DGKB: variants seen among roughly 807,000 people sequenced by gnomAD.
DGKB encodes diacylglycerol kinase beta.
Under a neutral mutation model 114.3 loss-of-function variants are expected in DGKB, and 67 were observed. The ratio of observed to expected loss-of-function variants is 0.59; its 90% CI spans 0.48 to 0.72. DGKB has a LOEUF of 0.72. Ranked by LOEUF, DGKB falls within the 30% of genes least tolerant of loss-of-function variation. The probability of loss-of-function intolerance (pLI) is 0.00; values close to 1 mark genes in which losing one functional copy is unlikely to be tolerated. For synonymous variants in DGKB, 398 were observed against 323.1 expected (o/e 1.23, Z -2.49); for missense variants, 907 against 975.2 (o/e 0.93, Z 0.93).
chr7:14,617,663 G>A (rs1040241687), intron 15 of DGKB, among the ~76,000 whole-genome samples: 2 of 151,518 alleles, frequency 1.3e-5, no homozygotes, highest in African/African-American at 4.8e-5. Flanking sequence ...AAGCCTTCAA[G>A]CCTTTAAAAA....
chr7:14,867,561 T>C (rs1196091670), intron 1 of DGKB, among the ~76,000 whole-genome samples: 1 of 152,170 alleles, frequency 6.6e-6, no homozygotes. Context: ...TGTTTCCTGA[T>C]AGTGGAGCAC....
At chr7:14,651,170 C>G (rs1217962081) in intron 13 of DGKB, among the ~76,000 whole-genome samples, 1 of 152,052 alleles carries the variant, frequency 6.6e-6, no homozygotes, top group Non-Finnish European at 1.5e-5. Flanking sequence ...ATTCTGATAC[C>G]AAAGCCAGGC....
chr7:14,328,164 G>A (rs947058351), intron 23 of DGKB, among the ~76,000 whole-genome samples: 2 of 152,062 alleles, frequency 1.3e-5, no homozygotes, highest in East Asian at 3.9e-4. Context: ...CATAGACTTA[G>A]TAAGAAAATA....
chr7:14,675,522 G>T (rs1177341224), intron 12 of DGKB, among the ~76,000 whole-genome samples: 1 of 151,936 alleles, frequency 6.6e-6, no homozygotes, highest in African/African-American at 2.4e-5. Context: ...GTGTGAAGGG[G>T]CAACTCTGTA....
intron 1 of DGKB, among the ~76,000 whole-genome samples, chr7:14,873,594 A>G (rs1292982617): frequency 6.6e-6 from 1 of 151,990 alleles, no homozygotes; most frequent in Non-Finnish European, 1.5e-5. Context: ...ATAAAGATAA[A>G]TATTACCAAC....
At chr7:14,250,799 A>G (rs2128389670) in intron 23 of DGKB, among the ~76,000 whole-genome samples, 1 of 152,230 alleles carries the variant, frequency 6.6e-6, no homozygotes, top group African/African-American at 2.4e-5. Context: ...TGCTTTATAT[A>G]TTTAGGTGTG....
At chr7:14,832,579 G>A (rs769965303) in intron 2 of DGKB, among the ~76,000 whole-genome samples, 1 of 152,056 alleles carries the variant, frequency 6.6e-6, no homozygotes, top group Non-Finnish European at 1.5e-5. Flanking sequence ...GACTCGGGAT[G>A]CGTTTTGGTT....
In DGKB at chr7:14,713,510, C is replaced by G. The variant is rs1827698067; in HGVS notation, c.466+5032G>C. Among the ~76,000 whole-genome samples, 5 of 151,848 alleles carry G rather than the reference C, an allele frequency of 3.3e-5. No homozygotes were observed. In the South Asian group the frequency reaches 1.0e-3, roughly 31 times the overall value. On this transcript the variant is annotated intron_variant, in intron 6 of 25. Coordinates refer to ENST00000402815, the MANE Select transcript of DGKB (RefSeq NM_001350709.2). ...CGCCTTTTATTCATAAGAGAAACAA[C>G]AATAAGAACAACAAAAGACAGCTTT...
intron 21 of DGKB, among the ~76,000 whole-genome samples, chr7:14,471,241 A>G (rs201962898): frequency 0.03 from 3,906 of 128,154 alleles, 803 homozygotes; most frequent in East Asian, 0.16. Flanking sequence ...GAATATATGT[A>G]TACATACATA....
At chr7:14,770,222 C>T (rs1432673217) in intron 2 of DGKB, among the ~76,000 whole-genome samples, 2 of 152,002 alleles carry the variant, frequency 1.3e-5, no homozygotes, top group African/African-American at 4.8e-5. Context: ...TAAAGAGGAG[C>T]AGGAGTAGGC....
At chr7:14,540,833 G>T (rs986133129) in intron 20 of DGKB, among the ~76,000 whole-genome samples, 1 of 152,104 alleles carries the variant, frequency 6.6e-6, no homozygotes, top group African/African-American at 2.4e-5. Flanking sequence ...GGGAAATGTA[G>T]CCTGTTAGCT....
intron 13 of DGKB, among the ~76,000 whole-genome samples, chr7:14,647,067 T>A (rs899214022): frequency 2.6e-5 from 4 of 151,294 alleles, no homozygotes; most frequent in Non-Finnish European, 5.9e-5. Flanking sequence ...AAAACGACAA[T>A]TAGACTAAGA....
At chr7:14,492,881 T>C (rs961134656) in intron 20 of DGKB, among the ~76,000 whole-genome samples, 3 of 152,110 alleles carry the variant, frequency 2.0e-5, no homozygotes, top group Non-Finnish European at 4.4e-5. Flanking sequence ...AATATTTTAA[T>C]TATACTGTTT....
rs556928969 is a variant in DGKB at position 14,711,353 on chromosome 7, G to A, written c.466+7189C>T. On this transcript the variant is annotated intron_variant, in intron 6 of 25. Coordinates refer to ENST00000402815, the MANE Select transcript of DGKB (RefSeq NM_001350709.2). The stretch of plus-strand genomic sequence containing the variant: ...TATTACCAAGTCAAGGTCAAGGATA[G>A]AACTTTTCTTTCATCCAGAAGAAGA... Among the ~76,000 whole-genome samples, 609 of 152,096 alleles carry A rather than the reference G, an allele frequency of 4.0e-3. 3 individuals carry two copies. The highest frequency in any genetic ancestry group is 5.0e-3 in the Non-Finnish European group (343 of 67,944).
chr7:14,661,226 C>A (rs976290898), intron 13 of DGKB, among the ~76,000 whole-genome samples: 1 of 149,420 alleles, frequency 6.7e-6, no homozygotes, highest in Non-Finnish European at 1.5e-5. Flanking sequence ...AACTAAAGAG[C>A]TTCTGCACAG....
intron 2 of DGKB, among the ~76,000 whole-genome samples, chr7:14,767,647 T>C (rs991297004): frequency 6.6e-6 from 1 of 151,976 alleles, no homozygotes; most frequent in African/African-American, 2.4e-5. Context: ...CAATATAAGA[T>C]GTCTTAAAGT....
intron 21 of DGKB, among the ~76,000 whole-genome samples, chr7:14,456,112 C>G (rs1177891357): frequency 6.6e-6 from 1 of 151,894 alleles, no homozygotes; most frequent in Non-Finnish European, 1.5e-5. Flanking sequence ...GTTCCATGCA[C>G]AATATTATTA....
At chr7:14,595,390 T>G (rs568935033) in intron 17 of DGKB, among the ~76,000 whole-genome samples, 1 of 152,074 alleles carries the variant, frequency 6.6e-6, no homozygotes, top group East Asian at 1.9e-4. Flanking sequence ...AATAGACATG[T>G]AGAATTTGAG....
chr7:14,567,166 A>ATATATATTATATATAAT (rs1443206410), intron 20 of DGKB, among the ~76,000 whole-genome samples: 7 of 89,282 alleles, frequency 7.8e-5, no homozygotes, highest in Non-Finnish European at 1.1e-4. Context: ...AATTATATTT[A>ATATATATTATATATAAT]TATATATTAT....
Sources: allele counts gnomAD v4.1 joint callset (sites outside exome capture counted in the v4.1 genomes callset), GRCh38; gene constraint gnomAD v4.1.1; transcripts MANE v1.5; gene names NCBI Gene and HGNC (gene_info 2026-07-23, HGNC 2026-07-21).